The following PRKN variants were observed in gnomAD, a reference collection of about 807,000 sequenced individuals.
PRKN encodes E3 ubiquitin-protein ligase parkin.
In PRKN, 56 loss-of-function variants were observed where a neutral mutation model predicts 59.5. The observed-to-expected ratio is 0.94, with a 90% CI of 0.76 to 1.18. The LOEUF is 1.18. Ranked by LOEUF, PRKN falls within the 50% of genes most tolerant of loss-of-function variation. PRKN has a pLI of 0.00. For missense variants in PRKN, 657 were observed against 596.4 expected (o/e 1.10, Z -1.06); for synonymous variants, 250 against 222.1 (o/e 1.13, Z -1.12).
chr6:162,249,491 TG>T (rs1779337373), intron 3 of PRKN, among the ~76,000 whole-genome samples: 1 of 152,200 alleles, frequency 6.6e-6, no homozygotes, highest in Non-Finnish European at 1.5e-5. Context: ...GTTTACTACC[TG>T]GCTATTAGAG....
chr6:162,710,681 G>A (rs1318093159), intron 1 of PRKN, among the ~76,000 whole-genome samples: 1 of 152,022 alleles, frequency 6.6e-6, no homozygotes, highest in East Asian at 1.9e-4. Flanking sequence ...GTGTCAGAAG[G>A]GCTTTTCATG....
chr6:162,233,670 T>C (rs1456803040), intron 3 of PRKN, among the ~76,000 whole-genome samples: 1 of 152,248 alleles, frequency 6.6e-6, no homozygotes, highest in Admixed American at 6.5e-5. Context: ...CAAGAAATAC[T>C]GGACGTGTCC....
rs372520810 is a variant in PRKN at position 162,711,590 on chromosome 6, C to T, written c.7+16072G>A. Among the ~76,000 whole-genome samples, 29 of 152,268 alleles carry T rather than the reference C, an allele frequency of 1.9e-4. No individual in the cohort carries two copies. In the South Asian group the frequency reaches 4.4e-3, roughly 23 times the overall value. ...ACCTGACATACAAATTCATAGGCTT[C>T]TCCTGCCTCCCAAGCAGCCGTAGCT... is the stretch of plus-strand genomic sequence containing the variant. On this transcript the variant is annotated intron_variant, in intron 1 of 11. Transcript: ENST00000366898.
intron 1 of PRKN, among the ~76,000 whole-genome samples, chr6:162,523,608 G>A (rs1422469725): frequency 6.6e-6 from 1 of 152,148 alleles, no homozygotes; most frequent in Non-Finnish European, 1.5e-5. Context: ...AGGTTGCAGT[G>A]AGCTGAGATC....
intron 6 of PRKN, among the ~76,000 whole-genome samples, chr6:161,828,828 G>T (rs1208578920): frequency 2.0e-5 from 3 of 152,090 alleles, no homozygotes; most frequent in Admixed American, 2.0e-4. Flanking sequence ...TACTTGGGAC[G>T]CTGAGGCGGG....
At chr6:162,526,282 A>AAG in intron 1 of PRKN, among the ~76,000 whole-genome samples, 1 of 151,612 alleles carries the variant, frequency 6.6e-6, no homozygotes, top group Middle Eastern at 3.4e-3. Context: ...AAAAAAAAAA[A>AAG]CAACTACTAC....
At chr6:161,752,713 T>C (rs1217376478) in intron 7 of PRKN, among the ~76,000 whole-genome samples, 1 of 152,124 alleles carries the variant, frequency 6.6e-6, no homozygotes, top group Non-Finnish European at 1.5e-5. Context: ...ACAAAAAACA[T>C]GCTGGCTTTT....
intron 7 of PRKN, among the ~76,000 whole-genome samples, chr6:161,583,078 G>C (rs868050747): frequency 6.6e-6 from 1 of 150,886 alleles, no homozygotes; most frequent in South Asian, 2.1e-4. Flanking sequence ...ATGATTTACT[G>C]GTTAATTTTT....
At chr6:161,826,482 T>G (rs1186991247) in intron 6 of PRKN, among the ~76,000 whole-genome samples, 1 of 152,190 alleles carries the variant, frequency 6.6e-6, no homozygotes, top group East Asian at 1.9e-4. Flanking sequence ...AGAAAACCCA[T>G]TAATGTACAA....
At chr6:161,668,266 G>C (rs77587756) in intron 7 of PRKN, among the ~76,000 whole-genome samples, 2 of 121,590 alleles carry the variant, frequency 1.6e-5, no homozygotes, top group South Asian at 5.1e-4. Flanking sequence ...TTCATATAAA[G>C]AAAAAAAAAA....
At chr6:162,522,856 A>G (rs532699896) in intron 1 of PRKN, among the ~76,000 whole-genome samples, 45 of 152,342 alleles carry the variant, frequency 3.0e-4, no homozygotes, top group African/African-American at 1.0e-3. Flanking sequence ...ACAACAACAA[A>G]AAGAAGGCAT....
At chr6:161,883,983 A>G (rs950204040) in intron 6 of PRKN, among the ~76,000 whole-genome samples, 11 of 145,758 alleles carry the variant, frequency 7.5e-5, no homozygotes, top group Admixed American at 3.4e-4. Context: ...TACTCTTGAA[A>G]ATTTATGTGA....
rs1478802840 is a variant in PRKN at position 161,558,366 on chromosome 6, A to C, written c.934-9363T>G. On this transcript the variant is annotated intron_variant, in intron 8 of 11. Coordinates refer to ENST00000366898, the MANE Select transcript of PRKN (RefSeq NM_004562.3). ...CGTTTGAGACCAGGAGTTTGAGGCC[A>C]GCCTAGGCAACACAGCAAGACCCCA... Among the ~76,000 whole-genome samples the C allele has an allele frequency of 2.6e-5, 4 of 152,214 alleles. No individual in the cohort carries two copies. In the East Asian group the frequency reaches 7.7e-4, roughly 29 times the overall value.
intron 5 of PRKN, among the ~76,000 whole-genome samples, chr6:162,023,632 G>A (rs1159500263): frequency 6.6e-6 from 1 of 152,102 alleles, no homozygotes; most frequent in Admixed American, 6.5e-5. Flanking sequence ...ATGTCTGGCC[G>A]TCTGTGTGTC....
intron 6 of PRKN, among the ~76,000 whole-genome samples, chr6:161,876,647 G>A (rs1044022431): frequency 2.0e-5 from 3 of 152,072 alleles, no homozygotes; most frequent in Non-Finnish European, 4.4e-5. Context: ...AGTGTGTAGT[G>A]TCATCCAAGA....
intron 5 of PRKN, among the ~76,000 whole-genome samples, chr6:161,976,935 G>A (rs1400044441): frequency 5.9e-5 from 9 of 152,120 alleles, no homozygotes; most frequent in African/African-American, 2.4e-5. Flanking sequence ...CCTTTTTATT[G>A]GGGGTAGGTG....
intron 6 of PRKN, among the ~76,000 whole-genome samples, chr6:161,846,509 G>A (rs1400031956): frequency 6.6e-6 from 1 of 152,156 alleles, no homozygotes; most frequent in Non-Finnish European, 1.5e-5. Flanking sequence ...ACCCGTTGCT[G>A]TTGGGAGCAC....
At chr6:162,462,519 G>A (rs990913255) in intron 1 of PRKN, among the ~76,000 whole-genome samples, 9 of 152,174 alleles carry the variant, frequency 5.9e-5, no homozygotes, top group African/African-American at 2.2e-4. Flanking sequence ...ATACATGTGT[G>A]GATGTGTGTG....
At chr6:161,640,878 C>T (rs530799401) in intron 7 of PRKN, among the ~76,000 whole-genome samples, 3 of 152,340 alleles carry the variant, frequency 2.0e-5, no homozygotes, top group African/African-American at 7.2e-5. Flanking sequence ...GGGTGCTGTG[C>T]TGAATAAATT....
Sources: gnomAD v4.1 joint callset for allele counts (sites outside exome capture counted in the v4.1 genomes callset) on GRCh38, gnomAD v4.1.1 for gene constraint, MANE v1.5 for transcripts, NCBI Gene and HGNC (gene_info 2026-07-23, HGNC 2026-07-21) for gene names.